Variants in SYT2 observed in about 807,000 individuals in gnomAD.
The protein encoded by SYT2 is synaptotagmin 2.
SYT2 carries 15 observed loss-of-function variants against 39.9 expected under a neutral mutation model. That is an observed-to-expected ratio of 0.38 (90% CI 0.25 to 0.58). The LOEUF is 0.58. Among genes scored for constraint, SYT2 ranks in the 20% least tolerant of loss-of-function variants. The probability of loss-of-function intolerance (pLI) is 0.70; values close to 1 mark genes in which losing one functional copy is unlikely to be tolerated. For synonymous variants in SYT2, 181 were observed against 204.5 expected, an observed-to-expected ratio of 0.89 and a Z score of 0.98; for missense variants, 389 against 530.3, an observed-to-expected ratio of 0.73 and a Z score of 2.62.
At chr1:202,697,808 TTTTA>T (rs1206935554) in intron 1 of SYT2, among the ~76,000 whole-genome samples, 3 of 152,230 alleles carry the variant, frequency 2.0e-5, no homozygotes, top group Admixed American at 1.3e-4. Flanking sequence ...TGTATACCAT[TTTTA>T]TTTGTCAATT....
intron 1 of SYT2, among the ~76,000 whole-genome samples, chr1:202,709,927 G>A (rs1172548383): frequency 1.3e-5 from 2 of 152,188 alleles, no homozygotes; most frequent in South Asian, 4.1e-4. Context: ...AGGGACGGGG[G>A]CGCAGAGCCG....
intron 1 of SYT2, among the ~76,000 whole-genome samples, chr1:202,686,553 G>A (rs1048253084): frequency 6.6e-6 from 1 of 152,118 alleles, no homozygotes; most frequent in African/African-American, 2.4e-5. Flanking sequence ...AATGGGGGGT[G>A]GGGGAGCTTC....
chr1:202,608,125 A>T (rs910724367), intron 1 of SYT2, among the ~76,000 whole-genome samples: 2 of 152,110 alleles, frequency 1.3e-5, no homozygotes, highest in African/African-American at 2.4e-5. Context: ...TGTCTATCCT[A>T]AACATTTCCT....
chr1:202,620,383 G>C (rs370328341), intron 1 of SYT2, among the ~76,000 whole-genome samples: 42 of 152,294 alleles, frequency 2.8e-4, no homozygotes, highest in African/African-American at 9.6e-4. Context: ...CCCTTTGCTA[G>C]GGAGAACAGC....
rs1249007547 is a variant in SYT2, at chr1:202,614,994, CT to C, written c.-17-9206del. Among the ~76,000 whole-genome samples the C allele has an allele frequency of 7.2e-5, 11 of 152,320 alleles. No homozygotes were observed. Among genetic ancestry groups the C allele is most frequent in the African/African-American group, 2.6e-4 (11 of 41,568 alleles). On this transcript the variant is annotated intron_variant, in intron 1 of 8. Transcript: ENST00000367268. This position sits in a 1 kb window ranked among gnomAD's most constrained non-coding sequence, Gnocchi z 4.0. Reference sequence around the variant, plus strand: ...ACAAATGTATATTTTAAAAGTTTCGCTTTGGCTGTCGTGAGTAAAAAGACTA... The same window carrying C: ...ACAAATGTATATTTTAAAAGTTTCGCTTGGCTGTCGTGAGTAAAAAGACTA...
chr1:202,656,047 G>A (rs576813407), intron 1 of SYT2, among the ~76,000 whole-genome samples: 1 of 152,200 alleles, frequency 6.6e-6, no homozygotes, highest in South Asian at 2.1e-4. Flanking sequence ...AGAGAGGAGT[G>A]GGTGAACAGC....
chr1:202,691,739 G>GAC (rs1653838106), intron 1 of SYT2, among the ~76,000 whole-genome samples: 1 of 67,904 alleles, frequency 1.5e-5, no homozygotes, highest in African/African-American at 6.3e-5. Context: ...GGGGGAGAGA[G>GAC]AGAGAGAGAG....
chr1:202,605,925 CAAT>C (rs1343739108), intron 1 of SYT2, 136 bp from the exon 2 acceptor site: 12 of 606,040 alleles, frequency 2.0e-5, no homozygotes, highest in Non-Finnish European at 2.1e-5. Flanking sequence ...TGTAGTAAAC[CAAT>C]AATAATAGAC....
chr1:202,687,082 C>CTTTATA (rs1653686805), intron 1 of SYT2, among the ~76,000 whole-genome samples: 1 of 152,112 alleles, frequency 6.6e-6, no homozygotes, highest in South Asian at 2.1e-4. Flanking sequence ...AGGGAAAGGG[C>CTTTATA]TGTGTCTTAA....
At chr1:202,622,439 C>G (rs1389298129) in intron 1 of SYT2, among the ~76,000 whole-genome samples, 4 of 152,178 alleles carry the variant, frequency 2.6e-5, no homozygotes, top group Non-Finnish European at 5.9e-5. Flanking sequence ...TTGACTGGCC[C>G]TGGGGAAGCT....
At chr1:202,604,644 A>G in intron 2 of SYT2, 23 bp from the exon 3 acceptor site, 1 of 1,609,910 alleles carries the variant, frequency 6.2e-7, no homozygotes. Flanking sequence ...AGAAGATCCC[A>G]GGGTCAGCAG....
intron 1 of SYT2, among the ~76,000 whole-genome samples, chr1:202,703,683 G>A (rs997118940): frequency 4.6e-5 from 7 of 152,036 alleles, no homozygotes; most frequent in Admixed American, 6.6e-5. Flanking sequence ...TTACAAATGC[G>A]GTGGGCTGCT....
At chr1:202,642,334 G>A (rs1441673800) in intron 1 of SYT2, among the ~76,000 whole-genome samples, 3 of 151,796 alleles carry the variant, frequency 2.0e-5, no homozygotes, top group Non-Finnish European at 2.9e-5. Context: ...TCGGGCAGGC[G>A]TGCCCATGAG....
At chr1:202,673,764 C>T (rs547660225) in intron 1 of SYT2, among the ~76,000 whole-genome samples, 1 of 152,338 alleles carries the variant, frequency 6.6e-6, no homozygotes, top group African/African-American at 2.4e-5. Context: ...AGTTTCTCAG[C>T]CTTTAATGCA....
At chr1:202,616,503 C>T (rs1691040645) in intron 1 of SYT2, among the ~76,000 whole-genome samples, 1 of 152,176 alleles carries the variant, frequency 6.6e-6, no homozygotes, top group Admixed American at 6.5e-5. Flanking sequence ...CACATATGCA[C>T]ACACATATAC....
At chr1:202,705,628 G>A (rs1386581303) in intron 1 of SYT2, among the ~76,000 whole-genome samples, 1 of 152,058 alleles carries the variant, frequency 6.6e-6, no homozygotes, top group African/African-American at 2.4e-5. Flanking sequence ...CCTCCTCCCT[G>A]GCACTCAGCC....
rs113893745 is a variant in SYT2 at position 202,645,742 on chromosome 1, G to A, written c.-17-39953C>T. 3.6e-3 allele frequency among the ~76,000 whole-genome samples: 546 copies of A among 152,266 alleles called. 3 individuals carry two copies. The highest frequency in any genetic ancestry group is 0.013 in the African/African-American group (530 of 41,538). ...CAATGTGCCCTTTCCCCTCTTGGGC[G>A]GAAGTGGAATTCTGATGGCATGTGG... On this transcript the variant is annotated intron_variant, in intron 1 of 8. Transcript: ENST00000367268.
rs777502238 is a variant in SYT2 at position 202,596,775 on chromosome 1, G to A, written c.1242C>T (p.Leu414=). ...SLKPEEEVDA[L]LGKNK ...CTGCTGTCTACTTGTTCTTGCCCAG[G>A]AGTGCATCCACCTCCTCCTCAGGCT... Residue 414 remains leucine (L), a synonymous_variant, in exon 9 of 9, where the codon CTC becomes CTT. Coordinates refer to ENST00000367268, the MANE Select transcript of SYT2 (RefSeq NM_177402.5). The A allele has an allele frequency of 6.2e-7, 1 of 1,614,000 alleles. No homozygotes were observed. The highest frequency in any genetic ancestry group is 8.5e-7 in the Non-Finnish European group (1 of 1,179,894).
At position 202,694,929 on chromosome 1, in the gene SYT2, G is replaced by C. The variant is rs928382834; in HGVS notation, c.-18+15329C>G. ...CCTTTGGCTGGAAGGAATCATGATA[G>C]TCAATTTACCTTTTCTCAATATCTA... On this transcript the variant is annotated intron_variant, in intron 1 of 8. Coordinates refer to ENST00000367268, the MANE Select transcript of SYT2 (RefSeq NM_177402.5). Among the ~76,000 whole-genome samples, 10 of 152,104 alleles carry C rather than the reference G, an allele frequency of 6.6e-5. 1 individual carries two copies. Among genetic ancestry groups the C allele is most frequent in the Admixed American group, 3.9e-4 (6 of 15,278 alleles).
Sources: allele counts gnomAD v4.1 joint callset (sites outside exome capture counted in the v4.1 genomes callset), GRCh38; gene constraint gnomAD v4.1.1; non-coding constraint Gnocchi (gnomAD v3.1); transcripts MANE v1.5; gene names NCBI Gene and HGNC (gene_info 2026-07-23, HGNC 2026-07-21).